PLCG2: variants seen among roughly 807,000 people sequenced by gnomAD.
The protein encoded by PLCG2 is 1-phosphatidylinositol 4,5-bisphosphate phosphodiesterase gamma-2.
A neutral mutation model predicts 175.6 loss-of-function variants in PLCG2; 69 were observed. The observed-to-expected ratio is 0.39, with a 90% CI of 0.32 to 0.48. The LOEUF (loss-of-function observed/expected upper bound fraction) is 0.48, where lower values mean the gene tolerates loss of function less well. PLCG2 is among the 20% of genes least tolerant of loss of function. PLCG2 has a pLI of 0.91. For missense variants in PLCG2, 1,798 were observed against 1,650.9 expected (o/e 1.09, Z -1.54); for synonymous variants, 827 against 624.0 (o/e 1.33, Z -4.85).
rs1282058170 is a variant in PLCG2 at position 81,832,758 on chromosome 16, C to T, written c.194-21686C>T. Among the ~76,000 whole-genome samples, 6 of 152,298 alleles carry T rather than the reference C, an allele frequency of 3.9e-5. No homozygotes were observed. The South Asian group carries it at 6.2e-4, about 16-fold the overall frequency. On this transcript the variant is annotated intron_variant, in intron 2 of 32. Coordinates refer to ENST00000564138, the MANE Select transcript of PLCG2 (RefSeq NM_002661.5). ...GAGTGGTATGATATCCAGTTGACTGCGTGAGGATCAGATCCCATTCTTGCA... is the reference window on the plus strand; with the variant it reads ...GAGTGGTATGATATCCAGTTGACTGTGTGAGGATCAGATCCCATTCTTGCA...
intron 31 of PLCG2, among the ~76,000 whole-genome samples, chr16:81,946,884 AAGACCCTTTGCTTAGTGAAGC>A (rs66642225): frequency 0.67 from 101,233 of 150,846 alleles, 34,321 homozygotes; most frequent in East Asian, 0.81. Context: ...AGTGAGCATG[AAGACCCTTTGCTTAGTGAAGC>A]AGACCCTTTG....
At chr16:81,752,280 C>A (rs944878507) in intron 1 of PLCG2, among the ~76,000 whole-genome samples, 1 of 152,110 alleles carries the variant, frequency 6.6e-6, no homozygotes, top group African/African-American at 2.4e-5. Context: ...AAAGCAGGTT[C>A]CAGCTTCCCC....
At chr16:81,780,400 G>T (rs1910676497) in intron 1 of PLCG2, among the ~76,000 whole-genome samples, 1 of 152,312 alleles carries the variant, frequency 6.6e-6, no homozygotes, top group South Asian at 2.1e-4. Context: ...GGCAGTTCCT[G>T]ACTCTCTGGT....
intron 3 of PLCG2, among the ~76,000 whole-genome samples, chr16:81,856,640 T>C (rs578211660): frequency 1.4e-4 from 21 of 152,196 alleles, no homozygotes; most frequent in Non-Finnish European, 1.2e-4. Flanking sequence ...AAGCTAACAC[T>C]CTTTAATAAA....
At chr16:81,904,407 C>T (rs562481353) in intron 14 of PLCG2, among the ~76,000 whole-genome samples, 1 of 152,354 alleles carries the variant, frequency 6.6e-6, no homozygotes, top group South Asian at 2.1e-4. Context: ...AACTTACAGA[C>T]GCTTGCCTGC....
intron 1 of PLCG2, among the ~76,000 whole-genome samples, chr16:81,785,258 G>C (rs140615628): frequency 5.9e-5 from 9 of 152,216 alleles, no homozygotes; most frequent in Non-Finnish European, 8.8e-5. Flanking sequence ...GTCACCCCAG[G>C]TGCTTTGCTG....
intron 2 of PLCG2, among the ~76,000 whole-genome samples, chr16:81,765,036 C>G (rs560913304): frequency 1.6e-5 from 1 of 63,520 alleles, no homozygotes; most frequent in Admixed American, 2.1e-4. Flanking sequence ...CGCAGTGAAC[C>G]GTGATCACCC....
At chr16:81,931,786 C>A (rs1346559667) in intron 25 of PLCG2, 132 bp downstream of exon 25, 5 of 717,850 alleles carry the variant, frequency 7.0e-6, no homozygotes, top group Non-Finnish European at 1.2e-5. Context: ...GGAAGGAGAC[C>A]AGGTGGATTC....
At chr16:81,909,407 A>T (rs921643468) in intron 17 of PLCG2, among the ~76,000 whole-genome samples, 10 of 152,170 alleles carry the variant, frequency 6.6e-5, no homozygotes, top group African/African-American at 2.4e-4. Flanking sequence ...AAAGAGGGAA[A>T]TTATAATTCT....
intron 2 of PLCG2, among the ~76,000 whole-genome samples, chr16:81,771,844 C>T (rs747735572): frequency 4.6e-5 from 7 of 152,116 alleles, no homozygotes; most frequent in African/African-American, 9.7e-5. Context: ...AGTGCCAGGG[C>T]AGGATCTCCG....
chr16:81,844,143 A>ATTTTTTTT (rs60183943), intron 2 of PLCG2, among the ~76,000 whole-genome samples: 2 of 93,908 alleles, frequency 2.1e-5, no homozygotes, highest in Non-Finnish European at 4.0e-5. Context: ...CACCCGGCTG[A>ATTTTTTTT]TTTTTTTTTT....
intron 12 of PLCG2, 78 bp downstream of exon 12, chr16:81,893,872 C>T (rs1328506361): frequency 1.1e-5 from 10 of 885,402 alleles, no homozygotes; most frequent in African/African-American, 3.3e-5. Context: ...TGTTTTCTTT[C>T]GAATTGTAAA....
At chr16:81,797,327 GATATAAATGC>G (rs944736280) in intron 2 of PLCG2, among the ~76,000 whole-genome samples, 1 of 152,154 alleles carries the variant, frequency 6.6e-6, no homozygotes, top group Non-Finnish European at 1.5e-5. Flanking sequence ...GTCTGTCTTA[GATATAAATGC>G]GGGTTTTTGT....
At chr16:81,953,113 C>A (rs904691717) in intron 31 of PLCG2, among the ~76,000 whole-genome samples, 3 of 152,122 alleles carry the variant, frequency 2.0e-5, no homozygotes, top group African/African-American at 4.8e-5. Flanking sequence ...GACATTCATA[C>A]AAAATAACTG....
chr16:81,781,188 T>C (rs1910714830), intron 1 of PLCG2, among the ~76,000 whole-genome samples: 1 of 152,216 alleles, frequency 6.6e-6, no homozygotes, highest in South Asian at 2.1e-4. Context: ...GTAACCACTC[T>C]CCTGGATTTA....
At chr16:81,895,134 T>C (rs7199267) in intron 12 of PLCG2, among the ~76,000 whole-genome samples, 1 of 152,108 alleles carries the variant, frequency 6.6e-6, no homozygotes, top group African/African-American at 2.4e-5. Context: ...CCATTTCTGT[T>C]TGAAAATATT....
Position 81,846,892 on chromosome 16 carries a change from A to G in PLCG2, c.194-7552A>G, listed in dbSNP as rs1020403970. On this transcript the variant is annotated intron_variant, in intron 2 of 32. Transcript: ENST00000564138. ...TCAACACTTTTGACACCAGATGTGT[A>G]TGGTTTTCCCCCCACGCATCAAGCA... Among the ~76,000 whole-genome samples the G allele has an allele frequency of 3.9e-5, 6 of 152,062 alleles. No individual in the cohort carries two copies. In the East Asian group the frequency reaches 9.6e-4, roughly 24 times the overall value.
intron 2 of PLCG2, among the ~76,000 whole-genome samples, chr16:81,806,624 C>T (rs1329890374): frequency 6.6e-6 from 1 of 151,718 alleles, no homozygotes. Context: ...ACATGTGATT[C>T]GTGTCTTGTA....
At chr16:81,824,353 T>C (rs1239393805) in intron 2 of PLCG2, among the ~76,000 whole-genome samples, 1 of 152,144 alleles carries the variant, frequency 6.6e-6, no homozygotes, top group East Asian at 1.9e-4. Flanking sequence ...AGGCTGGTCT[T>C]GAACTCCTGA....
Sources: allele counts gnomAD v4.1 joint callset (sites outside exome capture counted in the v4.1 genomes callset), GRCh38; gene constraint gnomAD v4.1.1; transcripts MANE v1.5; gene names NCBI Gene and HGNC (gene_info 2026-07-23, HGNC 2026-07-21).